GRB2: variants seen among roughly 807,000 people sequenced by gnomAD.
GRB2 encodes growth factor receptor bound protein 2.
Under a neutral mutation model 27.4 loss-of-function variants are expected in GRB2, and 2 were observed. The observed-to-expected ratio is 0.07, with a 90% CI of 0.03 to 0.23. GRB2 has a LOEUF of 0.23. GRB2 is among the 10% of genes least tolerant of loss of function. The pLI, the probability that GRB2 is intolerant of heterozygous loss-of-function variation, is 1.00. For missense variants in GRB2, 102 were observed against 282.4 expected, an observed-to-expected ratio of 0.36 and a Z score of 4.58; for synonymous variants, 94 against 99.6, an observed-to-expected ratio of 0.94 and a Z score of 0.33.
rs539194053 is a variant in GRB2 at position 75,321,713 on chromosome 17, T to G, written c.414A>C (p.Thr138=). 1.9e-6 allele frequency: 3 copies of G among 1,614,032 alleles called. No homozygotes were observed. Among genetic ancestry groups the G allele is most frequent in the Admixed American group, 1.7e-5 (1 of 59,992 alleles). ...LNELVDYHRS[T]SVSRNQQIFL... ...ATATCTGCTGGTTTCTGGAGACAGA[T>G]GTAGATCTGTGATAATCCACCAGCT... Residue 138 remains threonine (T), a synonymous_variant, in exon 5 of 6, where the codon ACA becomes ACC. Transcript: ENST00000316804.
At chr17:75,346,062 G>C (rs2078652664) in intron 2 of GRB2, among the ~76,000 whole-genome samples, 1 of 152,148 alleles carries the variant, frequency 6.6e-6, no homozygotes, top group South Asian at 2.1e-4. Context: ...AGGTGGGTGG[G>C]GCAGTGCGGT....
intron 2 of GRB2, among the ~76,000 whole-genome samples, chr17:75,351,250 G>T (rs2078690465): frequency 6.6e-6 from 1 of 152,138 alleles, no homozygotes; most frequent in Non-Finnish European, 1.5e-5. Context: ...CCTCTCAAAA[G>T]ATTCCCTCTG....
chr17:75,377,103 G>C (rs1247435270), intron 2 of GRB2, among the ~76,000 whole-genome samples: 2 of 151,532 alleles, frequency 1.3e-5, no homozygotes, highest in Non-Finnish European at 2.9e-5. Flanking sequence ...GATCACTCGA[G>C]ACCAGCCTGG....
intron 1 of GRB2, among the ~76,000 whole-genome samples, chr17:75,403,500 C>A (rs1189202240): frequency 1.3e-5 from 2 of 152,120 alleles, no homozygotes; most frequent in African/African-American, 4.8e-5. Context: ...TCAGGCCGGG[C>A]GCAGTGGCTC....
intron 2 of GRB2, among the ~76,000 whole-genome samples, chr17:75,346,999 G>T (rs1345545009): frequency 2.0e-5 from 3 of 152,108 alleles, no homozygotes; most frequent in African/African-American, 7.2e-5. Flanking sequence ...CATTCTCCCA[G>T]CTCCCACCCT....
intron 2 of GRB2, among the ~76,000 whole-genome samples, chr17:75,340,741 G>A (rs1032528598): frequency 3.3e-5 from 5 of 152,110 alleles, no homozygotes; most frequent in African/African-American, 1.2e-4. Context: ...CTTTAAATAA[G>A]TGCTTCACAA....
chr17:75,354,625 C>T (rs1004388943), intron 2 of GRB2, among the ~76,000 whole-genome samples: 2 of 152,102 alleles, frequency 1.3e-5, no homozygotes, highest in African/African-American at 4.8e-5. Flanking sequence ...AAATTGTCTT[C>T]CATGAAACCA....
intron 2 of GRB2, among the ~76,000 whole-genome samples, chr17:75,366,005 T>G (rs936574913): frequency 2.0e-5 from 3 of 152,186 alleles, no homozygotes; most frequent in Non-Finnish European, 4.4e-5. Context: ...TTAAAACACA[T>G]GTAAACATAA....
rs996211226 is a variant in GRB2, at chr17:75,362,155, C to G, written c.79-29358G>C. On this transcript the variant is annotated intron_variant, in intron 2 of 5. Transcript: ENST00000316804. ...AGATGAGAAAAATAAAGAAGGGCCA[C>G]TAGCCTCTCCAGGACACAGATACGT... Among the ~76,000 whole-genome samples, 3 of 152,168 alleles carry G rather than the reference C, an allele frequency of 2.0e-5. No individual in the cohort carries two copies. The South Asian group carries it at 6.2e-4, about 32-fold the overall frequency.
chr17:75,399,862 T>C (rs1380150619), intron 1 of GRB2, among the ~76,000 whole-genome samples: 1 of 142,916 alleles, frequency 7.0e-6, no homozygotes, highest in Non-Finnish European at 1.5e-5. Context: ...AGTAGAGACA[T>C]GGTTTCACCA....
At position 75,399,218 on chromosome 17, in the gene GRB2, T is replaced by G. The variant is rs536107865; in HGVS notation, c.-137-5453A>C. On this transcript the variant is annotated intron_variant, in intron 1 of 5. Transcript: ENST00000316804. Reference sequence around the variant, plus strand: ...GCACACCACCATGCCTGGCTAATTTTTGTGTGTGTGTGTGTGTGGTGACCA... The same window carrying G: ...GCACACCACCATGCCTGGCTAATTTGTGTGTGTGTGTGTGTGTGGTGACCA... Among the ~76,000 whole-genome samples, 99 of 149,794 alleles carry G rather than the reference T, an allele frequency of 6.6e-4. 1 individual carries two copies. The highest frequency in any genetic ancestry group is 2.0e-3 in the African/African-American group (83 of 40,856).
intron 2 of GRB2, among the ~76,000 whole-genome samples, chr17:75,350,067 T>G (rs1598231051): frequency 6.7e-6 from 1 of 150,180 alleles, no homozygotes; most frequent in East Asian, 1.9e-4. Flanking sequence ...AAATACATAG[T>G]CAAGACTAAG....
chr17:75,341,447 T>TAAAAAAAAAAAAA (rs61039194), intron 2 of GRB2, among the ~76,000 whole-genome samples: 2 of 110,262 alleles, frequency 1.8e-5, no homozygotes, highest in African/African-American at 7.6e-5. Flanking sequence ...GTGACTCCAT[T>TAAAAAAAAAAAAA]AAAAAAAAAA....
rs2078963577 is a variant in GRB2 at position 75,386,307 on chromosome 17, CG to C, written c.78+7243del. 1.3e-5 allele frequency among the ~76,000 whole-genome samples: 2 copies of C among 152,028 alleles called. 1 individual carries two copies. Among genetic ancestry groups the C allele is most frequent in the South Asian group, 4.1e-4 (2 of 4,824 alleles). On this transcript the variant is annotated intron_variant, in intron 2 of 5. Coordinates refer to ENST00000316804, the MANE Select transcript of GRB2 (RefSeq NM_002086.5). ...CTAATTTGTGTATTTTTAGTAGAAA[CG>C]GGATTTCACCATGTTGGCCGGGCTG...
chr17:75,398,400 G>A (rs896300425), intron 1 of GRB2, among the ~76,000 whole-genome samples: 8 of 151,316 alleles, frequency 5.3e-5, no homozygotes. Flanking sequence ...TCCTTAGTGG[G>A]GACTACAGGC....
At chr17:75,343,779 G>A (rs1410045174) in intron 2 of GRB2, among the ~76,000 whole-genome samples, 2 of 152,272 alleles carry the variant, frequency 1.3e-5, no homozygotes, top group Admixed American at 6.5e-5. Context: ...CCTATTTGGT[G>A]GAGCTGAAAT....
chr17:75,350,024 G>T (rs947803633), intron 2 of GRB2, among the ~76,000 whole-genome samples: 9 of 145,622 alleles, frequency 6.2e-5, no homozygotes, highest in African/African-American at 2.2e-4. Flanking sequence ...CCATTCTTAG[G>T]ACTCTATCCT....
intron 2 of GRB2, among the ~76,000 whole-genome samples, chr17:75,383,521 T>G (rs1254034052): frequency 6.6e-6 from 1 of 152,210 alleles, no homozygotes. Context: ...TAGCAATTAC[T>G]GTCTACTTTA....
chr17:75,364,448 TGAA>T (rs1419885492), intron 2 of GRB2, among the ~76,000 whole-genome samples: 1 of 152,080 alleles, frequency 6.6e-6, no homozygotes, highest in African/African-American at 2.4e-5. Context: ...ATTTTACAGA[TGAA>T]GAATCTAAGG....
Sources: allele counts gnomAD v4.1 joint callset (sites outside exome capture counted in the v4.1 genomes callset), GRCh38; gene constraint gnomAD v4.1.1; transcripts MANE v1.5; gene names NCBI Gene and HGNC (gene_info 2026-07-23, HGNC 2026-07-21).